Variants in SH3PXD2A observed in about 807,000 individuals in gnomAD.
SH3PXD2A encodes SH3 and PX domain-containing protein 2A.
Under a neutral mutation model 115.2 loss-of-function variants are expected in SH3PXD2A, and 32 were observed. The ratio of observed to expected loss-of-function variants is 0.28; its 90% confidence interval spans 0.21 to 0.37. SH3PXD2A has a LOEUF of 0.37. SH3PXD2A is among the 10% of genes least tolerant of loss of function. SH3PXD2A has a pLI of 1.00. For synonymous variants in SH3PXD2A, 610 were observed against 629.1 expected, an observed-to-expected ratio of 0.97 and a Z score of 0.45; for missense variants, 1,328 against 1,498.7, an observed-to-expected ratio of 0.89 and a Z score of 1.88.
chr10:103,612,898 C>G lies in SH3PXD2A; in HGVS notation c.1213G>C (p.Gly405Arg), dbSNP rs1445364525. 6.2e-7 allele frequency: 1 copy of G among 1,604,952 alleles called. No individual in the cohort carries two copies. The highest frequency in any genetic ancestry group is 1.3e-5 in the African/African-American group (1 of 74,650). ...GCAATCCTGGCCACAGCTGGAGAGCCCTGGGCCAGCCTGGAGACAGTCCTG... is the reference window on the plus strand; with the variant it reads ...GCAATCCTGGCCACAGCTGGAGAGCGCTGGGCCAGCCTGGAGACAGTCCTG... ...PDRTVSRLAQ[G>R]SPAVARIAPQ... The change falls in exon 12 of 15, where the codon GGC becomes CGC. Residue 405 changes from glycine to arginine, a missense_variant. Coordinates refer to ENST00000369774, the MANE Select transcript of SH3PXD2A (RefSeq NM_001394015.1).
At chr10:103,798,792 C>G (rs770301389) in intron 2 of SH3PXD2A, among the ~76,000 whole-genome samples, 51 of 152,320 alleles carry the variant, frequency 3.3e-4, no homozygotes, top group Admixed American at 9.8e-4. Context: ...GAGCCTGAGG[C>G]CTACCTGGCT....
At chr10:103,751,081 T>C (rs1299670009) in intron 3 of SH3PXD2A, among the ~76,000 whole-genome samples, 2 of 152,240 alleles carry the variant, frequency 1.3e-5, no homozygotes, top group African/African-American at 4.8e-5. Context: ...GCAGAGAAGA[T>C]GAATGAGGAT....
intron 5 of SH3PXD2A, among the ~76,000 whole-genome samples, chr10:103,693,959 C>T (rs1406049545): frequency 6.6e-6 from 1 of 152,194 alleles, no homozygotes; most frequent in Non-Finnish European, 1.5e-5. Context: ...AGAGTCCAGA[C>T]TCAAAGATGG....
rs2038641355 is a variant in SH3PXD2A, at chr10:103,756,409, C to T, written c.229+10685G>A. On this transcript the variant is annotated intron_variant, in intron 3 of 14. Transcript: ENST00000369774. This position sits in a 1 kb window ranked among gnomAD's most constrained non-coding sequence, Gnocchi z 4.4. ...TCACCTCCTAAGAAGTTGTTGGGGG[C>T]CGGAGCTCCTTCTCAATGCGCCTCA... Among the ~76,000 whole-genome samples the T allele has an allele frequency of 6.6e-6, 1 of 152,084 alleles. No individual in the cohort carries two copies. The highest frequency in any genetic ancestry group is 1.5e-5 in the Non-Finnish European group (1 of 67,998).
intron 8 of SH3PXD2A, among the ~76,000 whole-genome samples, chr10:103,648,405 A>G (rs1395360767): frequency 6.6e-6 from 1 of 152,204 alleles, no homozygotes; most frequent in African/African-American, 2.4e-5. Flanking sequence ...ATCAAAGCCA[A>G]GAGTCTAAAG....
At chr10:103,668,675 C>A in intron 6 of SH3PXD2A, 23 bp from the exon 7 acceptor site, 1 of 1,539,128 alleles carries the variant, frequency 6.5e-7, no homozygotes, top group East Asian at 2.4e-5. Context: ...CGAGAGCAAG[C>A]GGCAGCAGGA....
At chr10:103,716,009 A>G (rs1007668671) in intron 5 of SH3PXD2A, among the ~76,000 whole-genome samples, 2 of 152,162 alleles carry the variant, frequency 1.3e-5, no homozygotes, top group East Asian at 1.9e-4. Flanking sequence ...TGAAACAACC[A>G]TCCCCAAAAT....
At chr10:103,836,280 A>G (rs908265607) in intron 1 of SH3PXD2A, among the ~76,000 whole-genome samples, 22 of 152,116 alleles carry the variant, frequency 1.4e-4, no homozygotes, top group African/African-American at 3.9e-4. Flanking sequence ...AGATTGCCCC[A>G]GGAATATGCC....
At chr10:103,849,140 G>A (rs766171451) in intron 1 of SH3PXD2A, among the ~76,000 whole-genome samples, 18 of 151,856 alleles carry the variant, frequency 1.2e-4, no homozygotes, top group Non-Finnish European at 2.4e-4. Flanking sequence ...CCCAGGTGGT[G>A]CTGCCTGGAC....
rs2037778000 is a variant in SH3PXD2A at position 103,693,036 on chromosome 10, C to G, written c.419G>C (p.Arg140Thr). ...CCCGGAGGCTCCCTTACCTGATTTC[C>G]TCTTGGAACTGCCATAGTCCCTGAA... is the stretch of plus-strand genomic sequence containing the variant. ...PPKEDYGSSK[R>T]KSVWLSSWAE... The change falls in exon 6 of 15, where the codon AGG (arginine) becomes ACG (threonine). Residue 140 changes from arginine (R) to threonine (T), a missense_variant. Around this residue, in one of 5 missense-constraint regions of SH3PXD2A, gnomAD observed 90 missense variants for 71.1 expected, o/e 1.27. Coordinates refer to ENST00000369774, the MANE Select transcript of SH3PXD2A (RefSeq NM_001394015.1). 1 of 1,613,576 alleles carries G rather than the reference C, an allele frequency of 6.2e-7. No homozygotes were observed. The highest frequency in any genetic ancestry group is 1.3e-5 in the African/African-American group (1 of 75,030).
At chr10:103,744,315 G>A (rs1294938872) in intron 3 of SH3PXD2A, among the ~76,000 whole-genome samples, 1 of 152,040 alleles carries the variant, frequency 6.6e-6, no homozygotes, top group Non-Finnish European at 1.5e-5. Flanking sequence ...CACCACACCT[G>A]GCTAATTTTG....
chr10:103,785,474 C>T (rs1355795437), intron 2 of SH3PXD2A, among the ~76,000 whole-genome samples: 1 of 152,180 alleles, frequency 6.6e-6, no homozygotes, highest in African/African-American at 2.4e-5. Context: ...GCTGAGGCCA[C>T]TGCCAGCCCC....
chr10:103,745,172 G>C (rs1032642786), intron 3 of SH3PXD2A, among the ~76,000 whole-genome samples: 2 of 152,200 alleles, frequency 1.3e-5, no homozygotes, highest in East Asian at 3.8e-4. Context: ...ATGTATCTCT[G>C]TTACCACCTG....
intron 7 of SH3PXD2A, among the ~76,000 whole-genome samples, chr10:103,662,965 C>T (rs1172878042): frequency 1.3e-5 from 2 of 152,100 alleles, no homozygotes; most frequent in Admixed American, 6.5e-5. Flanking sequence ...CCACCATACC[C>T]GGCTAATTTT....
intron 1 of SH3PXD2A, among the ~76,000 whole-genome samples, chr10:103,802,152 C>T (rs941003164): frequency 6.6e-6 from 1 of 152,190 alleles, no homozygotes; most frequent in East Asian, 1.9e-4. Flanking sequence ...TTTAACAAAC[C>T]CCAGCTTGTT....
chr10:103,678,354 T>G (rs12357919), intron 6 of SH3PXD2A, among the ~76,000 whole-genome samples: 1 of 152,154 alleles, frequency 6.6e-6, no homozygotes, highest in Non-Finnish European at 1.5e-5. Context: ...TCCCCACATC[T>G]GGCTCTCACG....
At chr10:103,760,755 G>C (rs1052413378) in intron 3 of SH3PXD2A, among the ~76,000 whole-genome samples, 28 of 152,048 alleles carry the variant, frequency 1.8e-4, no homozygotes, top group Admixed American at 1.4e-3. Flanking sequence ...ATAGAGTCTT[G>C]CTCTGTTGCC....
rs185686075 is a variant in SH3PXD2A, at chr10:103,736,298, G to A, written c.230-490C>T. Reference sequence around the variant, plus strand: ...AGGGCGGGCACAAGGCAATACCAAGGGAAGCATGGCTGTCCCAGCCTGACT... The same window carrying A: ...AGGGCGGGCACAAGGCAATACCAAGAGAAGCATGGCTGTCCCAGCCTGACT... On this transcript the variant is annotated intron_variant, in intron 3 of 14. Coordinates refer to ENST00000369774, the MANE Select transcript of SH3PXD2A (RefSeq NM_001394015.1). Among the ~76,000 whole-genome samples, 153 of 152,362 alleles carry A rather than the reference G, an allele frequency of 1.0e-3. 1 individual carries two copies. Among genetic ancestry groups the A allele is most frequent in the Non-Finnish European group, 1.9e-3 (130 of 68,034 alleles).
intron 10 of SH3PXD2A, among the ~76,000 whole-genome samples, chr10:103,621,666 A>G (rs868147665): frequency 1.4e-4 from 22 of 152,212 alleles, no homozygotes; most frequent in African/African-American, 4.8e-4. Flanking sequence ...GCCCTGGCCC[A>G]GGGGACTGCA....
Sources: allele counts gnomAD v4.1 joint callset (sites outside exome capture counted in the v4.1 genomes callset), GRCh38; gene constraint gnomAD v4.1.1; regional missense constraint gnomAD v4.1.1; non-coding constraint Gnocchi (gnomAD v3.1); transcripts MANE v1.5; gene names NCBI Gene and HGNC (gene_info 2026-07-23, HGNC 2026-07-21).